TNRC6B: variants seen among roughly 807,000 people sequenced by gnomAD.
The protein encoded by TNRC6B is trinucleotide repeat-containing gene 6B protein.
Under a neutral mutation model 203.6 loss-of-function variants are expected in TNRC6B, and 52 were observed. The ratio of observed to expected loss-of-function variants is 0.26; its 90% CI spans 0.20 to 0.32. The LOEUF (loss-of-function observed/expected upper bound fraction) is 0.32. TNRC6B is among the 10% of genes least tolerant of loss of function. The probability of loss-of-function intolerance (pLI) is 1.00; values close to 1 mark genes in which losing one functional copy is unlikely to be tolerated. For synonymous variants in TNRC6B, 838 were observed against 845.7 expected (o/e 0.99, Z 0.16); for missense variants, 1,923 against 2,286.2 (o/e 0.84, Z 3.24).
chr22:40,316,701 G>A (rs2071264106), intron 21 of TNRC6B, among the ~76,000 whole-genome samples: 1 of 152,200 alleles, frequency 6.6e-6, no homozygotes, highest in African/African-American at 2.4e-5. Flanking sequence ...ACTGCAAAGA[G>A]GTCTTGACTA....
intron 4 of TNRC6B, among the ~76,000 whole-genome samples, chr22:40,166,243 T>G (rs1461038332): frequency 6.6e-6 from 1 of 151,962 alleles, no homozygotes; most frequent in East Asian, 1.9e-4. Context: ...CAAACTAATT[T>G]CAAAGACAAA....
At chr22:40,256,654 A>G (rs1247521575) in intron 3 of TNRC6B, among the ~76,000 whole-genome samples, 1 of 152,186 alleles carries the variant, frequency 6.6e-6, no homozygotes, top group Non-Finnish European at 1.5e-5. Flanking sequence ...CCACAAGTGC[A>G]GAGTTGAGTT....
chr22:40,089,231 A>T (rs2068127593), intron 1 of TNRC6B, among the ~76,000 whole-genome samples: 1 of 152,022 alleles, frequency 6.6e-6, no homozygotes, highest in African/African-American at 2.4e-5. Context: ...TTCTTCATAG[A>T]CTTTTTTTTT....
chr22:40,214,198 C>T (rs1408285605), intron 1 of TNRC6B, among the ~76,000 whole-genome samples: 1 of 151,836 alleles, frequency 6.6e-6, no homozygotes, highest in African/African-American at 2.4e-5. Flanking sequence ...ACCCAGGGGG[C>T]AGAGGTTGCA....
chr22:40,183,769 A>G (rs2069167324), intron 1 of TNRC6B, among the ~76,000 whole-genome samples: 1 of 151,576 alleles, frequency 6.6e-6, no homozygotes, highest in African/African-American at 2.4e-5. Context: ...ATCTTTGCTC[A>G]CTGCAACCTC....
rs200693814 is a variant in TNRC6B at position 40,323,013 on chromosome 22, C to T, written c.5274C>T (p.Pro1758=). 17 of 1,605,616 alleles carry T rather than the reference C, an allele frequency of 1.1e-5. No individual in the cohort carries two copies. The highest frequency in any genetic ancestry group is 1.7e-4 in the Middle Eastern group (1 of 6,050). The change falls in exon 23 of 23, where the codon CCC becomes CCT. Residue 1758 remains proline, a synonymous_variant. Transcript: ENST00000454349. ...SLETGQNQSD[P]VGPALNLFGG... ...AGACCGGCCAGAACCAGTCAGATCC[C>T]GTGGGACCTGCTCTGAATCTTTTTG...
chr22:40,170,591 T>TTATAGTTTATATATATATTA (rs2068972645), intron 4 of TNRC6B, among the ~76,000 whole-genome samples: 1 of 16,538 alleles, frequency 6.0e-5, no homozygotes, highest in Non-Finnish European at 8.9e-5. Flanking sequence ...TATATATATA[T>TTATAGTTTATATATATATTA]TATATATAGT....
intron 1 of TNRC6B, among the ~76,000 whole-genome samples, chr22:40,085,379 G>T (rs995269375): frequency 3.3e-5 from 5 of 152,096 alleles, no homozygotes; most frequent in Admixed American, 6.5e-5. Context: ...TGTTAAATTT[G>T]GTTTATTTGC....
chr22:40,246,581 G>A (rs1299689066), intron 2 of TNRC6B, among the ~76,000 whole-genome samples: 1 of 152,170 alleles, frequency 6.6e-6, no homozygotes, highest in Non-Finnish European at 1.5e-5. Context: ...GTCTGCATTT[G>A]TTACCATAAA....
chr22:40,081,305 G>GTT (rs1223558214), intron 1 of TNRC6B, among the ~76,000 whole-genome samples: 1 of 104,942 alleles, frequency 9.5e-6, no homozygotes. Context: ...AAGTGTCTGC[G>GTT]TGTTTTTTTT....
intron 1 of TNRC6B, among the ~76,000 whole-genome samples, chr22:40,047,075 G>C (rs2067695783): frequency 6.6e-6 from 1 of 152,160 alleles, no homozygotes; most frequent in Admixed American, 6.5e-5. Flanking sequence ...GCCCAAGCCT[G>C]TGGGGTAGGT....
At chr22:40,292,305 A>T (rs1016971340) in intron 12 of TNRC6B, among the ~76,000 whole-genome samples, 2 of 150,744 alleles carry the variant, frequency 1.3e-5, no homozygotes, top group African/African-American at 4.9e-5. Context: ...GTGAGCTGAG[A>T]TTGTGCCACT....
chr22:40,276,993 T>C, intron 7 of TNRC6B, 84 bp from the exon 8 acceptor site: 1 of 1,025,650 alleles, frequency 9.7e-7, no homozygotes, highest in Non-Finnish European at 1.4e-6. Context: ...TAAACTCAAG[T>C]CTACATTTTC....
In TNRC6B at chr22:40,327,766, GC is replaced by G. The variant is rs1394584192; in HGVS notation, c.*4526del. 2 of 152,062 alleles carry G rather than the reference GC, an allele frequency of 1.3e-5. No homozygotes were observed. The highest frequency in any genetic ancestry group is 4.8e-5 in the African/African-American group (2 of 41,390). The allele number at this position is 152,062 out of a possible 1,614,324, so 9.4% of individuals were successfully genotyped here. ...CCTTCTTCTCTTCTACCACACTCTGGCATAGATACAGGCTTGCTGGTCACCT... is the reference window on the plus strand; with the variant it reads ...CCTTCTTCTCTTCTACCACACTCTGGATAGATACAGGCTTGCTGGTCACCT... On this transcript the variant is annotated 3_prime_UTR_variant, in exon 23 of 23. Transcript: ENST00000454349.
intron 1 of TNRC6B, among the ~76,000 whole-genome samples, chr22:40,091,193 C>T (rs915037817): frequency 5.3e-5 from 8 of 151,940 alleles, no homozygotes; most frequent in Non-Finnish European, 1.0e-4. Context: ...CCGTGTTAGC[C>T]AGGATGGTCT....
At chr22:40,211,829 G>A (rs78401207) in intron 1 of TNRC6B, among the ~76,000 whole-genome samples, 5,749 of 152,222 alleles carry the variant, frequency 0.038, 136 homozygotes, top group Middle Eastern at 0.065. Context: ...CTCTGGGAGG[G>A]GGAACCCTGT....
At chr22:40,199,543 A>C (rs2069382944) in intron 1 of TNRC6B, among the ~76,000 whole-genome samples, 2 of 152,148 alleles carry the variant, frequency 1.3e-5, no homozygotes, top group African/African-American at 4.8e-5. Flanking sequence ...TGTAATCCTC[A>C]AAAATTTCAG....
At chr22:40,121,211 C>T (rs571483937) in intron 2 of TNRC6B, among the ~76,000 whole-genome samples, 1 of 151,422 alleles carries the variant, frequency 6.6e-6, no homozygotes, top group African/African-American at 2.5e-5. Flanking sequence ...GTCTTCCTTC[C>T]TCCTTTCCCT....
intron 1 of TNRC6B, among the ~76,000 whole-genome samples, chr22:40,111,002 C>T (rs2068327595): frequency 6.6e-6 from 1 of 152,144 alleles, no homozygotes; most frequent in Non-Finnish European, 1.5e-5. Context: ...GGAAGCTTAC[C>T]ACCTCCTAGT....
Sources: gnomAD v4.1 joint callset for allele counts (sites outside exome capture counted in the v4.1 genomes callset) on GRCh38, gnomAD v4.1.1 for gene constraint, MANE v1.5 for transcripts, NCBI Gene and HGNC (gene_info 2026-07-23, HGNC 2026-07-21) for gene names.